Variants in SMURF2 observed in about 807,000 individuals in gnomAD.
SMURF2 encodes E3 ubiquitin-protein ligase SMURF2.
A neutral mutation model predicts 109.6 loss-of-function variants in SMURF2; 48 were observed. The ratio of observed to expected loss-of-function variants is 0.44; its 90% CI spans 0.35 to 0.56. The LOEUF (loss-of-function observed/expected upper bound fraction) is 0.56, where lower values mean the gene tolerates loss of function less well. Among genes scored for constraint, SMURF2 ranks in the 20% least tolerant of loss-of-function variants. The pLI is 0.01. For missense variants in SMURF2, 575 were observed against 909.0 expected (o/e 0.63, Z 4.72); for synonymous variants, 288 against 317.1 (o/e 0.91, Z 0.97).
intron 9 of SMURF2, among the ~76,000 whole-genome samples, chr17:64,575,395 C>A (rs1279977844): frequency 1.3e-5 from 2 of 151,990 alleles, no homozygotes. Context: ...TCAAGTGATC[C>A]TCCTGCCTCA....
intron 10 of SMURF2, among the ~76,000 whole-genome samples, chr17:64,567,853 CTTTTTTT>C (rs1173742917): frequency 2.7e-5 from 3 of 112,176 alleles, no homozygotes; most frequent in African/African-American, 3.8e-5. Flanking sequence ...CCACACCTGG[CTTTTTTT>C]TTTTTTTTTT....
intron 1 of SMURF2, among the ~76,000 whole-genome samples, chr17:64,609,912 CA>C (rs879957059): frequency 0.033 from 4,375 of 134,042 alleles, 191 homozygotes; most frequent in African/African-American, 0.1. Flanking sequence ...TTTAAATTTA[CA>C]AAAAAAAAAA....
At chr17:64,661,313 G>A (rs183242306) in intron 1 of SMURF2, among the ~76,000 whole-genome samples, 53 of 152,140 alleles carry the variant, frequency 3.5e-4, no homozygotes, top group Non-Finnish European at 6.3e-4. Context: ...GGCCGGCGGC[G>A]GGGAGTAAAG....
At chr17:64,631,978 G>A (rs1257254706) in intron 1 of SMURF2, among the ~76,000 whole-genome samples, 1 of 98,718 alleles carries the variant, frequency 1.0e-5, no homozygotes, top group African/African-American at 4.6e-5. Context: ...GGGGGGGGGG[G>A]GGTGGACAGA....
chr17:64,627,785 T>C (rs1329110294), intron 1 of SMURF2, among the ~76,000 whole-genome samples: 1 of 152,204 alleles, frequency 6.6e-6, no homozygotes, highest in African/African-American at 2.4e-5. Context: ...CTGCTTACCA[T>C]CCAACAAACC....
chr17:64,597,165 G>A (rs1969829288), intron 3 of SMURF2, among the ~76,000 whole-genome samples: 1 of 152,106 alleles, frequency 6.6e-6, no homozygotes, highest in Non-Finnish European at 1.5e-5. Context: ...AAATACTTTG[G>A]GAGGCCAAGG....
At chr17:64,549,648 C>G (rs1225619727) in intron 16 of SMURF2, among the ~76,000 whole-genome samples, 1 of 152,126 alleles carries the variant, frequency 6.6e-6, no homozygotes, top group East Asian at 1.9e-4. Context: ...CCCAGTTACT[C>G]AGGAGGCTGA....
chr17:64,553,103 C>T (rs1969069110), intron 15 of SMURF2, among the ~76,000 whole-genome samples: 1 of 152,004 alleles, frequency 6.6e-6, no homozygotes, highest in South Asian at 2.1e-4. Flanking sequence ...ATATGAAAGT[C>T]CATTCTTTTA....
intron 9 of SMURF2, 77 bp from the exon 10 acceptor site, chr17:64,572,033 C>A: frequency 8.1e-7 from 1 of 1,232,646 alleles, no homozygotes; most frequent in Non-Finnish European, 1.1e-6. Flanking sequence ...TGACACAGAA[C>A]AATTCCACAA....
intron 1 of SMURF2, among the ~76,000 whole-genome samples, chr17:64,635,862 G>GT (rs1970410060): frequency 6.6e-6 from 1 of 152,160 alleles, no homozygotes; most frequent in Admixed American, 6.5e-5. Context: ...GAGTCATGTA[G>GT]TAACTATGTT....
rs183993310 is a variant in SMURF2, at chr17:64,588,300, G to A, written c.401-2130C>T. ...CAGTTTTAAACAAGGAAAAAAGTTT[G>A]TACTCCTTGAATCAATTATCTAAAT... On this transcript the variant is annotated intron_variant, in intron 5 of 18. Coordinates refer to ENST00000262435, the MANE Select transcript of SMURF2 (RefSeq NM_022739.4). Among the ~76,000 whole-genome samples the A allele has an allele frequency of 3.3e-5, 5 of 151,988 alleles. No individual in the cohort carries two copies. The South Asian group carries it at 8.3e-4, about 25-fold the overall frequency.
chr17:64,563,328 G>A (rs1472206330), intron 10 of SMURF2, among the ~76,000 whole-genome samples: 1 of 152,110 alleles, frequency 6.6e-6, no homozygotes, highest in Non-Finnish European at 1.5e-5. Context: ...TTTCTTTCTG[G>A]AAGAGCCAAA....
intron 1 of SMURF2, among the ~76,000 whole-genome samples, chr17:64,659,953 A>G (rs904581268): frequency 3.3e-5 from 5 of 152,200 alleles, no homozygotes; most frequent in Non-Finnish European, 5.9e-5. Flanking sequence ...TACTATTAAG[A>G]GGACACAGGG....
At chr17:64,642,369 A>C (rs1429435718) in intron 1 of SMURF2, among the ~76,000 whole-genome samples, 2 of 152,228 alleles carry the variant, frequency 1.3e-5, no homozygotes, top group Non-Finnish European at 2.9e-5. Flanking sequence ...ATTCTTCTAT[A>C]GCAAAAGAGA....
intron 1 of SMURF2, among the ~76,000 whole-genome samples, chr17:64,661,035 G>C (rs896637057): frequency 6.6e-6 from 1 of 152,026 alleles, no homozygotes; most frequent in Admixed American, 6.6e-5. Context: ...GTAACAGAAA[G>C]TTTGCTCGAA....
intron 1 of SMURF2, among the ~76,000 whole-genome samples, chr17:64,636,241 G>A (rs920436020): frequency 1.3e-5 from 2 of 152,130 alleles, no homozygotes; most frequent in Non-Finnish European, 1.5e-5. Context: ...CTATAGGCAT[G>A]TGCCAACACA....
chr17:64,592,097 A>C (rs1315496669), intron 4 of SMURF2, among the ~76,000 whole-genome samples: 1 of 152,200 alleles, frequency 6.6e-6, no homozygotes, highest in Non-Finnish European at 1.5e-5. Flanking sequence ...CAGAGCAACT[A>C]ACTCCTCCTC....
At chr17:64,589,393 T>G (rs1222185635) in intron 5 of SMURF2, among the ~76,000 whole-genome samples, 3 of 131,746 alleles carry the variant, frequency 2.3e-5, no homozygotes, top group Middle Eastern at 3.8e-3. Flanking sequence ...TATTTTTGAG[T>G]TTTTTTTTTT....
At chr17:64,639,119 C>T (rs1162449028) in intron 1 of SMURF2, among the ~76,000 whole-genome samples, 1 of 152,182 alleles carries the variant, frequency 6.6e-6, no homozygotes, top group African/African-American at 2.4e-5. Context: ...GATCTGGATG[C>T]TAGTTATATA....
Sources: gnomAD v4.1 joint callset for allele counts (sites outside exome capture counted in the v4.1 genomes callset) on GRCh38, gnomAD v4.1.1 for gene constraint, MANE v1.5 for transcripts, NCBI Gene and HGNC (gene_info 2026-07-23, HGNC 2026-07-21) for gene names.